MDFIC2: variants seen among roughly 807,000 people sequenced by gnomAD.
The protein encoded by MDFIC2 is MyoD family inhibitor domain containing 2, also known as myoD family inhibitor domain-containing protein 2.
At chr3:70,222,631 C>T (rs1701471333) in intron 2 of MDFIC2, among the ~76,000 whole-genome samples, 2 of 152,068 alleles carry the variant, frequency 1.3e-5, no homozygotes, top group South Asian at 4.1e-4. Flanking sequence ...TAAGATGGAA[C>T]CTTAGGGCCT....
At position 70,196,757 on chromosome 3, in the gene MDFIC2, C is replaced by A. The variant is rs1576151129; in HGVS notation, c.*169G>T. 1 of 394,052 alleles carries A rather than the reference C, an allele frequency of 2.5e-6. No homozygotes were observed. The highest frequency in any genetic ancestry group is 4.5e-6 in the Non-Finnish European group (1 of 223,744). 24.4% of individuals were successfully genotyped at this position (394,052 alleles called of 1,614,324 possible). On this transcript the variant is annotated 3_prime_UTR_variant, in exon 4 of 4. Coordinates refer to ENST00000567252, the MANE Select transcript of MDFIC2 (RefSeq NM_001364677.1). ...GCGGTTGTGAAATTTGGAATAAGAC[C>A]ATTGAGTTGATAATACTAGCTTTCC...
At chr3:70,262,436 A>G (rs1193906415) in intron 2 of MDFIC2, among the ~76,000 whole-genome samples, 51 of 152,196 alleles carry the variant, frequency 3.4e-4, no homozygotes, top group Non-Finnish European at 2.9e-5. Flanking sequence ...TCTTAATAAG[A>G]CTGTAGAAAT....
chr3:70,214,240 G>C (rs951188860), intron 2 of MDFIC2, among the ~76,000 whole-genome samples: 4 of 152,074 alleles, frequency 2.6e-5, no homozygotes, highest in Non-Finnish European at 5.9e-5. Context: ...TCAAATGGCA[G>C]CTCTGGTTGG....
chr3:70,275,183 C>T (rs191810553), intron 2 of MDFIC2, among the ~76,000 whole-genome samples: 261 of 152,116 alleles, frequency 1.7e-3, no homozygotes, highest in Non-Finnish European at 2.7e-3. Context: ...AAACTATTGC[C>T]TGTTTTATAT....
Position 70,237,979 on chromosome 3 carries a change from C to CTTTTTTTTTTTTTTTTTTTTTTTTTTTTT in MDFIC2, c.89-31190_89-31189insAAAAAAAAAAAAAAAAAAAAAAAAAAAAA, listed in dbSNP as rs71672662. ...GGAAAAGAAACTAATTGAGTGGTAT[C>CTTTTTTTTTTTTTTTTTTTTTTTTTTTTT]TTTTTTTTTTTTTTTTTTTTTTTTT... On this transcript the variant is annotated intron_variant, in intron 2 of 3. Transcript: ENST00000567252. Among the ~76,000 whole-genome samples the CTTTTTTTTTTTTTTTTTTTTTTTTTTTTT allele has an allele frequency of 1.4e-4, 7 of 48,932 alleles. 1 individual carries two copies. The highest frequency in any genetic ancestry group is 4.2e-4 in the African/African-American group (4 of 9,422). 32.1% of individuals were successfully genotyped at this position (48,932 alleles called of 152,430 possible).
intron 2 of MDFIC2, among the ~76,000 whole-genome samples, chr3:70,231,770 C>T (rs1701561891): frequency 6.6e-6 from 1 of 152,148 alleles, no homozygotes; most frequent in South Asian, 2.1e-4. Flanking sequence ...CCACGACTGC[C>T]CCCTTGCCCC....
chr3:70,268,185 C>A (rs2106668567), intron 2 of MDFIC2, among the ~76,000 whole-genome samples: 2 of 152,260 alleles, frequency 1.3e-5, no homozygotes, highest in South Asian at 4.1e-4. Context: ...TATCAACATT[C>A]TCCGGCTGGG....
intron 2 of MDFIC2, among the ~76,000 whole-genome samples, chr3:70,298,896 T>C (rs1038080739): frequency 2.0e-5 from 3 of 152,180 alleles, no homozygotes; most frequent in Non-Finnish European, 4.4e-5. Flanking sequence ...TAAACTTTTC[T>C]GACCTTTATT....
At chr3:70,289,626 A>G (rs1448623191) in intron 2 of MDFIC2, among the ~76,000 whole-genome samples, 1 of 150,802 alleles carries the variant, frequency 6.6e-6, no homozygotes, top group Admixed American at 6.6e-5. Flanking sequence ...GATTGGGGAA[A>G]TTCTCCTGGA....
intron 2 of MDFIC2, among the ~76,000 whole-genome samples, chr3:70,288,798 C>T (rs1264595243): frequency 2.0e-5 from 3 of 151,716 alleles, no homozygotes; most frequent in Non-Finnish European, 4.4e-5. Context: ...GAATTGATCC[C>T]TTTACCATTA....
Position 70,196,874 on chromosome 3 carries a change from G to C in MDFIC2, c.*52C>G, listed in dbSNP as rs1489798987. 2.5e-6 allele frequency: 1 copy of C among 398,114 alleles called. No individual in the cohort carries two copies. Among genetic ancestry groups the C allele is most frequent in the Non-Finnish European group, 4.4e-6 (1 of 225,946 alleles). The allele number at this position is 398,114 out of a possible 1,614,324, so 24.7% of individuals were successfully genotyped here. A position where few individuals can be genotyped will look rare whatever the true frequency, so the allele number is the denominator to read the frequency against. Reference sequence around the variant, plus strand: ...CATGGAAATCAGTCTTGTTGTAATGGAATTTCCCACCGTGGCCAAAAGGAC... The same window carrying C: ...CATGGAAATCAGTCTTGTTGTAATGCAATTTCCCACCGTGGCCAAAAGGAC... On this transcript the variant is annotated 3_prime_UTR_variant, in exon 4 of 4. Coordinates refer to ENST00000567252, the MANE Select transcript of MDFIC2 (RefSeq NM_001364677.1).
chr3:70,207,996 A>G (rs1576155370), intron 2 of MDFIC2, among the ~76,000 whole-genome samples: 2 of 152,098 alleles, frequency 1.3e-5, no homozygotes, highest in East Asian at 1.9e-4. Context: ...CTTCATGAGC[A>G]TCAAACAAAT....
intron 2 of MDFIC2, among the ~76,000 whole-genome samples, chr3:70,262,511 C>A (rs779955587): frequency 2.1e-4 from 32 of 152,056 alleles, no homozygotes; most frequent in Admixed American, 3.9e-4. Flanking sequence ...GGCTTGGGGG[C>A]TCTGGAATGC....
chr3:70,233,521 C>T (rs574685795), intron 2 of MDFIC2, among the ~76,000 whole-genome samples: 1 of 152,296 alleles, frequency 6.6e-6, no homozygotes, highest in South Asian at 2.1e-4. Flanking sequence ...ATTGACAAGG[C>T]TTTAAAGCAT....
chr3:70,201,377 T>C (rs1273526739), intron 3 of MDFIC2, among the ~76,000 whole-genome samples: 1 of 152,196 alleles, frequency 6.6e-6, no homozygotes, highest in Non-Finnish European at 1.5e-5. Flanking sequence ...GGACATGATC[T>C]TGTTCTTTTT....
At chr3:70,200,741 T>C (rs1232341589) in intron 3 of MDFIC2, among the ~76,000 whole-genome samples, 1 of 152,196 alleles carries the variant, frequency 6.6e-6, no homozygotes, top group East Asian at 1.9e-4. Flanking sequence ...ACTAAATCAA[T>C]GAATGATTCT....
intron 2 of MDFIC2, among the ~76,000 whole-genome samples, chr3:70,253,974 G>T (rs965232088): frequency 1.3e-5 from 2 of 152,052 alleles, no homozygotes; most frequent in African/African-American, 4.8e-5. Context: ...GCATAATATA[G>T]CTAGCTCAGA....
intron 2 of MDFIC2, among the ~76,000 whole-genome samples, chr3:70,228,443 C>T (rs1451315517): frequency 2.0e-5 from 3 of 151,776 alleles, no homozygotes; most frequent in Non-Finnish European, 4.4e-5. Flanking sequence ...AATAATGCTT[C>T]ACTGATAGAG....
At chr3:70,278,363 A>G (rs571576316) in intron 2 of MDFIC2, among the ~76,000 whole-genome samples, 1 of 152,328 alleles carries the variant, frequency 6.6e-6, no homozygotes, top group East Asian at 1.9e-4. Context: ...GTAGTTGGAT[A>G]TTATGACTGA....
Sources: allele counts gnomAD v4.1 joint callset (sites outside exome capture counted in the v4.1 genomes callset), GRCh38; gene constraint gnomAD v4.1.1; transcripts MANE v1.5; gene names NCBI Gene and HGNC (gene_info 2026-07-23, HGNC 2026-07-21).